Variants in SLC26A7 observed in about 807,000 individuals in gnomAD.
SLC26A7 encodes the protein solute carrier family 26 member 7.
SLC26A7 carries 59 observed loss-of-function variants against 82.5 expected under a neutral mutation model. The ratio of observed to expected loss-of-function variants is 0.72; its 90% CI spans 0.58 to 0.89. The LOEUF (loss-of-function observed/expected upper bound fraction) is 0.89, where lower values mean the gene tolerates loss of function less well. Ranked by LOEUF, SLC26A7 falls within the 40% of genes least tolerant of loss-of-function variation. SLC26A7 has a pLI of 0.00. For missense variants in SLC26A7, 820 were observed against 793.0 expected (o/e 1.03, Z -0.41); for synonymous variants, 271 against 274.3 (o/e 0.99, Z 0.12).
Position 91,218,749 on chromosome 8 carries a change from A to T in SLC26A7, c.-149-141A>T, listed in dbSNP as rs570351945. 376 of 548,422 alleles carry T rather than the reference A, an allele frequency of 6.9e-4. 1 individual carries two copies. Among genetic ancestry groups the T allele is most frequent in the Admixed American group, 1.6e-3 (46 of 28,732 alleles). The allele number at this position is 548,422 out of a possible 1,614,324, so 34.0% of individuals were successfully genotyped here. A position where few individuals can be genotyped will look rare whatever the true frequency, so the allele number is the denominator to read the frequency against. On this transcript the variant is annotated intron_variant, in intron 1 of 5. Coordinates refer to the SLC26A7 transcript ENST00000522862. The stretch of plus-strand genomic sequence containing the variant: ...TTAAGTTTGTGTTTTTATGTGTGAG[A>T]AAAGAGCAAATCAAGCATAAATAGA...
At chr8:91,331,776 T>A (rs549239670) in intron 5 of SLC26A7, among the ~76,000 whole-genome samples, 1 of 152,228 alleles carries the variant, frequency 6.6e-6, no homozygotes, top group East Asian at 1.9e-4. Flanking sequence ...CACAAGGGCA[T>A]GTAAAAGAGT....
intron 5 of SLC26A7, among the ~76,000 whole-genome samples, chr8:91,328,565 T>G (rs1241963526): frequency 6.6e-6 from 1 of 152,132 alleles, no homozygotes; most frequent in African/African-American, 2.4e-5. Flanking sequence ...AGGTAAAATC[T>G]ATGCCTACTT....
intron 3 of SLC26A7, among the ~76,000 whole-genome samples, chr8:91,290,559 G>A (rs1470005806): frequency 6.6e-6 from 1 of 152,058 alleles, no homozygotes; most frequent in Non-Finnish European, 1.5e-5. Context: ...CTTTGACTCT[G>A]ATCTTTTGCC....
intron 15 of SLC26A7, 34 bp from the exon 16 acceptor site, chr8:91,389,304 C>A (rs78520992): frequency 1.3e-6 from 2 of 1,530,378 alleles, no homozygotes; most frequent in Non-Finnish European, 1.8e-6. Context: ...TCTCTTAAAA[C>A]TCTCCCTAAC....
intron 1 of SLC26A7, among the ~76,000 whole-genome samples, chr8:91,216,308 A>G (rs952711680): frequency 2.0e-5 from 3 of 152,150 alleles, no homozygotes; most frequent in Admixed American, 6.6e-5. Flanking sequence ...AACTCTGCCC[A>G]TGCGATGTCC....
intron 5 of SLC26A7, among the ~76,000 whole-genome samples, chr8:91,327,449 C>A (rs1291499415): frequency 6.6e-6 from 1 of 152,054 alleles, no homozygotes; most frequent in East Asian, 1.9e-4. Context: ...GGTGGTGCTA[C>A]TGTTGTCTTA....
chr8:91,355,642 C>T (rs2130860863), intron 11 of SLC26A7, among the ~76,000 whole-genome samples: 1 of 151,736 alleles, frequency 6.6e-6, no homozygotes, highest in Non-Finnish European at 1.5e-5. Flanking sequence ...ATCATTCCTT[C>T]TTTGAATTTT....
intron 3 of SLC26A7, among the ~76,000 whole-genome samples, chr8:91,294,993 C>T (rs1341116230): frequency 6.6e-6 from 1 of 152,070 alleles, no homozygotes; most frequent in Non-Finnish European, 1.5e-5. Flanking sequence ...TGAGCCAGAC[C>T]TTGAAAAACA....
chr8:91,273,684 T>A (rs1811331905), intron 2 of SLC26A7, among the ~76,000 whole-genome samples: 1 of 152,200 alleles, frequency 6.6e-6, no homozygotes, highest in Admixed American at 6.5e-5. Flanking sequence ...TCGTGACTTT[T>A]CAGGAAGGTA....
At chr8:91,369,733 C>G in intron 14 of SLC26A7, 52 bp from the exon 15 acceptor site, 1 of 1,321,338 alleles carries the variant, frequency 7.6e-7, no homozygotes. Flanking sequence ...TTTTTTCAGA[C>G]AGAAGTAAAA....
At chr8:91,395,023 G>A (rs886477318) in intron 18 of SLC26A7, 39 bp from the exon 19 acceptor site, 1 of 1,603,908 alleles carries the variant, frequency 6.2e-7, no homozygotes, top group Admixed American at 1.7e-5. Context: ...TAAGAGTTGA[G>A]TAAATAGCAC....
At chr8:91,345,142 T>A (rs1813527804) in intron 9 of SLC26A7, among the ~76,000 whole-genome samples, 1 of 151,644 alleles carries the variant, frequency 6.6e-6, no homozygotes, top group African/African-American at 2.4e-5. Context: ...CAGATAATGG[T>A]CTTGCTTTGT....
chr8:91,298,925 G>A (rs137860246), intron 4 of SLC26A7, among the ~76,000 whole-genome samples: 4 of 152,254 alleles, frequency 2.6e-5, no homozygotes, highest in Middle Eastern at 3.4e-3. Context: ...TTCCGAAGGG[G>A]TTGTGTCAGT....
intron 2 of SLC26A7, among the ~76,000 whole-genome samples, chr8:91,277,970 A>G (rs1416862602): frequency 1.3e-5 from 2 of 152,136 alleles, no homozygotes; most frequent in Non-Finnish European, 2.9e-5. Flanking sequence ...AGATGAGAGG[A>G]TGCTTGTTAC....
chr8:91,372,488 A>T (rs1814392080), intron 15 of SLC26A7, among the ~76,000 whole-genome samples: 1 of 151,828 alleles, frequency 6.6e-6, no homozygotes, highest in East Asian at 1.9e-4. Context: ...TGAATAAGCA[A>T]TCCTTTCTTC....
At chr8:91,226,621 G>C (rs1396097292) in intron 2 of SLC26A7, among the ~76,000 whole-genome samples, 1 of 152,242 alleles carries the variant, frequency 6.6e-6, no homozygotes, top group Non-Finnish European at 1.5e-5. Flanking sequence ...GATATGGCAT[G>C]AACAAAACTG....
At chr8:91,354,290 G>C (rs192428333) in intron 11 of SLC26A7, among the ~76,000 whole-genome samples, 1 of 152,082 alleles carries the variant, frequency 6.6e-6, no homozygotes, top group Non-Finnish European at 1.5e-5. Flanking sequence ...TTTCTATTAG[G>C]AAGTTGAGAA....
chr8:91,388,527 A>T (rs1262665343), intron 15 of SLC26A7, among the ~76,000 whole-genome samples: 2 of 152,176 alleles, frequency 1.3e-5, no homozygotes, highest in Non-Finnish European at 2.9e-5. Context: ...TTTTCAGAGA[A>T]TTTCATAATA....
intron 15 of SLC26A7, among the ~76,000 whole-genome samples, chr8:91,389,072 T>C (rs1178811279): frequency 6.6e-6 from 1 of 152,230 alleles, no homozygotes; most frequent in African/African-American, 2.4e-5. Flanking sequence ...AACCTCAGTT[T>C]GTCCATGTAT....
Sources: allele counts gnomAD v4.1 joint callset (sites outside exome capture counted in the v4.1 genomes callset), GRCh38; gene constraint gnomAD v4.1.1; transcripts MANE v1.5; gene names NCBI Gene and HGNC (gene_info 2026-07-23, HGNC 2026-07-21).